PMM2: variants seen among roughly 807,000 people sequenced by gnomAD.
PMM2 encodes mannose-6-phosphate isomerase.
In PMM2, 35 loss-of-function variants were observed where a neutral mutation model predicts 33.2. The ratio of observed to expected loss-of-function variants is 1.06; its 90% CI spans 0.81 to 1.40. The LOEUF (loss-of-function observed/expected upper bound fraction) is 1.40, where lower values mean the gene tolerates loss of function less well. PMM2 is among the 40% of genes most tolerant of loss of function. PMM2 has a pLI of 0.00. For synonymous variants in PMM2, 153 were observed against 114.7 expected, an observed-to-expected ratio of 1.33 and a Z score of -2.13; for missense variants, 386 against 306.0, an observed-to-expected ratio of 1.26 and a Z score of -1.95.
intron 1 of PMM2, among the ~76,000 whole-genome samples, chr16:8,799,800 C>A (rs902872826): frequency 2.0e-5 from 3 of 152,056 alleles, no homozygotes; most frequent in African/African-American, 4.8e-5. Flanking sequence ...CCCGCCTCGG[C>A]CTCCCAAAGT....
chr16:8,820,351 C>CTTTTTTTTTTTTTTTTTTT lies in PMM2; in HGVS notation c.639+7262_639+7263insTTTTTTTTTTTTTTTTTTT, dbSNP rs545958069. 2.8e-4 allele frequency among the ~76,000 whole-genome samples: 37 copies of CTTTTTTTTTTTTTTTTTTT among 133,130 alleles called. 3 individuals carry two copies. Among genetic ancestry groups the CTTTTTTTTTTTTTTTTTTT allele is most frequent in the African/African-American group, 1.1e-3 (35 of 32,160 alleles). 87.3% of individuals were successfully genotyped at this position (133,130 alleles called of 152,430 possible). ...TCAGCCCAGTGAGGACACAGTTCTT[C>CTTTTTTTTTTTTTTTTTTT]TTTTTTTTTTTTTTTTTCCTGAGAC... On this transcript the variant is annotated intron_variant, in intron 7 of 7. Transcript: ENST00000268261.
intron 7 of PMM2, among the ~76,000 whole-genome samples, chr16:8,814,763 G>A (rs1298231082): frequency 3.3e-5 from 5 of 152,186 alleles, no homozygotes; most frequent in African/African-American, 7.2e-5. Context: ...TCACAGTTTC[G>A]TGAGTTTAAT....
At chr16:8,846,751 G>A (rs748271860) in intron 7 of PMM2, among the ~76,000 whole-genome samples, 1 of 152,206 alleles carries the variant, frequency 6.6e-6, no homozygotes, top group Non-Finnish European at 1.5e-5. Context: ...TTTTGGAGAT[G>A]GGGAGTTGGC....
chr16:8,811,841 A>G lies in PMM2; in HGVS notation c.523+128A>G. 4 of 733,304 alleles carry G rather than the reference A, an allele frequency of 5.5e-6. No homozygotes were observed. The South Asian group carries it at 5.8e-5, about 11-fold the overall frequency. 45.4% of individuals were successfully genotyped at this position (733,304 alleles called of 1,614,324 possible). On this transcript the variant is annotated intron_variant, in intron 6 of 7. Coordinates refer to ENST00000268261, the MANE Select transcript of PMM2 (RefSeq NM_000303.3). ...GGCAGGAAGATTAAATGAGCAGTCC[A>G]GTCTATAGACAAAAACCAACCACTC...
rs114411539 is a variant in PMM2 at position 8,839,150 on chromosome 16, C to T, written c.640-8574C>T. On this transcript the variant is annotated intron_variant, in intron 7 of 7. Coordinates refer to ENST00000268261, the MANE Select transcript of PMM2 (RefSeq NM_000303.3). ...ACCATCAAGGGAATTAGTGGAATGA[C>T]TCTTCTTTGTTGTGTCGGTGTCATG... is the stretch of plus-strand genomic sequence containing the variant. Among the ~76,000 whole-genome samples the T allele has an allele frequency of 3.6e-3, 544 of 152,040 alleles. 2 individuals carry two copies. Among genetic ancestry groups the T allele is most frequent in the African/African-American group, 0.012 (517 of 41,498 alleles).
intron 7 of PMM2, among the ~76,000 whole-genome samples, chr16:8,820,597 G>A (rs1157794506): frequency 4.6e-5 from 7 of 151,966 alleles, no homozygotes; most frequent in Admixed American, 1.3e-4. Context: ...CAAGTGATCC[G>A]CCCACCTTGG....
chr16:8,834,127 G>A (rs2060828575), intron 7 of PMM2, among the ~76,000 whole-genome samples: 2 of 152,218 alleles, frequency 1.3e-5, no homozygotes, highest in Non-Finnish European at 2.9e-5. Flanking sequence ...TACATGGGCT[G>A]TACCTTGTAG....
intron 7 of PMM2, among the ~76,000 whole-genome samples, chr16:8,846,629 C>G (rs921011720): frequency 1.3e-5 from 2 of 152,102 alleles, no homozygotes; most frequent in Non-Finnish European, 2.9e-5. Flanking sequence ...GACATGGGCC[C>G]TTGCAGACTT....
In PMM2 at chr16:8,848,225, C is replaced by G. The variant is rs1325060625; in HGVS notation, c.*400C>G. ...AACATAAGCGGTTTTTTTAATGGGCCCCTGCATCAATACCAAACATGGGGG... is the reference window on the plus strand; with the variant it reads ...AACATAAGCGGTTTTTTTAATGGGCGCCTGCATCAATACCAAACATGGGGG... On this transcript the variant is annotated 3_prime_UTR_variant, in exon 8 of 8. Transcript: ENST00000268261. 1.3e-5 allele frequency: 3 copies of G among 233,682 alleles called. No homozygotes were observed. The South Asian group carries it at 1.6e-4, about 13-fold the overall frequency. The allele number at this position is 233,682 out of a possible 1,614,324, so 14.5% of individuals were successfully genotyped here.
chr16:8,823,735 T>A (rs2060750886), intron 7 of PMM2, among the ~76,000 whole-genome samples: 1 of 152,174 alleles, frequency 6.6e-6, no homozygotes, highest in Non-Finnish European at 1.5e-5. Flanking sequence ...AATTTTTTCT[T>A]CTCATGGTCC....
chr16:8,833,286 G>A (rs1246473654), intron 7 of PMM2, among the ~76,000 whole-genome samples: 1 of 152,188 alleles, frequency 6.6e-6, no homozygotes, highest in Non-Finnish European at 1.5e-5. Flanking sequence ...CTTCTTAAGG[G>A]TGGGGGAGAT....
intron 2 of PMM2, among the ~76,000 whole-genome samples, chr16:8,802,919 C>G (rs1472744633): frequency 2.0e-5 from 3 of 152,034 alleles, no homozygotes; most frequent in Admixed American, 1.3e-4. Context: ...CATCTTGGAA[C>G]CAGCTCCTCT....
intron 7 of PMM2, among the ~76,000 whole-genome samples, chr16:8,845,960 A>C (rs996784653): frequency 6.6e-6 from 1 of 152,212 alleles, no homozygotes; most frequent in African/African-American, 2.4e-5. Flanking sequence ...AGGCAAAATC[A>C]GAATTACCAG....
At chr16:8,832,579 G>C (rs753008226) in intron 7 of PMM2, 3 of 985,366 alleles carry the variant, frequency 3.0e-6, no homozygotes, top group South Asian at 4.7e-5. Context: ...TTTTGCTTCA[G>C]GGGTCTCTTC....
chr16:8,803,067 C>G (rs1241557007), intron 2 of PMM2, among the ~76,000 whole-genome samples: 1 of 152,152 alleles, frequency 6.6e-6, no homozygotes, highest in Non-Finnish European at 1.5e-5. Context: ...CATACACACA[C>G]GCACACATAC....
chr16:8,835,800 T>C lies in PMM2; in HGVS notation c.640-11924T>C, dbSNP rs548271493. On this transcript the variant is annotated intron_variant, in intron 7 of 7. Transcript: ENST00000268261. Reference sequence around the variant, plus strand: ...GAGTGGGGTAAGGGTGATTAGGTTTTAATGAGATGGTAAGGGGTGCATGAT... The same window carrying C: ...GAGTGGGGTAAGGGTGATTAGGTTTCAATGAGATGGTAAGGGGTGCATGAT... 3.3e-5 allele frequency among the ~76,000 whole-genome samples: 5 copies of C among 151,994 alleles called. No homozygotes were observed. The South Asian group carries it at 8.3e-4, about 25-fold the overall frequency.
At chr16:8,830,322 G>T (rs2060802463) in intron 7 of PMM2, among the ~76,000 whole-genome samples, 1 of 152,306 alleles carries the variant, frequency 6.6e-6, no homozygotes, top group African/African-American at 2.4e-5. Flanking sequence ...CCACAGCCTA[G>T]ACAGCCAATT....
At chr16:8,825,828 T>C (rs543789092) in intron 7 of PMM2, among the ~76,000 whole-genome samples, 1 of 148,894 alleles carries the variant, frequency 6.7e-6, no homozygotes, top group Non-Finnish European at 1.5e-5. Flanking sequence ...CATTCTCAGC[T>C]CACTGCAACC....
intron 7 of PMM2, among the ~76,000 whole-genome samples, chr16:8,816,883 A>C (rs2060711416): frequency 6.6e-6 from 1 of 152,256 alleles, no homozygotes; most frequent in Non-Finnish European, 1.5e-5. Flanking sequence ...CATATGATCC[A>C]GCAGTTCCAC....
Sources: gnomAD v4.1 joint callset for allele counts (sites outside exome capture counted in the v4.1 genomes callset) on GRCh38, gnomAD v4.1.1 for gene constraint, MANE v1.5 for transcripts, NCBI Gene and HGNC (gene_info 2026-07-23, HGNC 2026-07-21) for gene names.